The following POLD2 variants were observed in gnomAD, a reference collection of about 807,000 sequenced individuals.
The protein encoded by POLD2 is DNA polymerase delta 2, accessory subunit, also known as DNA polymerase delta subunit 2.
POLD2 carries 31 observed loss-of-function variants against 48.8 expected under a neutral mutation model. The ratio of observed to expected loss-of-function variants is 0.64; its 90% CI spans 0.48 to 0.86. The LOEUF is 0.86. POLD2 is among the 40% of genes least tolerant of loss of function. The pLI is 0.00. For missense variants in POLD2, 455 were observed against 610.1 expected, an observed-to-expected ratio of 0.75 and a Z score of 2.68; for synonymous variants, 233 against 256.3, an observed-to-expected ratio of 0.91 and a Z score of 0.87.
chr7:44,115,426 G>T, intron 9 of POLD2, 30 bp from the exon 10 acceptor site: 2 of 1,372,446 alleles, frequency 1.5e-6, no homozygotes, highest in Non-Finnish European at 2.1e-6. Flanking sequence ...TCTGAGGAGG[G>T]TTCCGCCTCA....
intron 2 of POLD2, among the ~76,000 whole-genome samples, chr7:44,119,060 A>T (rs549213039): frequency 7.0e-6 from 1 of 142,546 alleles, no homozygotes; most frequent in Admixed American, 7.2e-5. Flanking sequence ...GAGACCAGAG[A>T]TACTCAAAAT....
intron 2 of POLD2, 162 bp from the exon 3 acceptor site, chr7:44,118,226 T>C (rs3217964): frequency 0.23 from 176,688 of 761,046 alleles, 23,001 homozygotes; most frequent in Admixed American, 0.29. Flanking sequence ...ACGGTGACAG[T>C]AAAAAGTGAG....
In POLD2 at chr7:44,117,617, A is replaced by C; in HGVS notation, c.466+2T>G. 1 of 1,600,822 alleles carries C rather than the reference A, an allele frequency of 6.2e-7. No homozygotes were observed. The highest frequency in any genetic ancestry group is 8.5e-7 in the Non-Finnish European group (1 of 1,173,430). ...CCCACATCCTCTCATTGGGCTCCCT[A>C]CCCGTAACCAGCTTTGACACGTCAA... On this transcript the variant is annotated splice_donor_variant, in intron 4 of 10. Transcript: ENST00000610533. LOFTEE classifies it high-confidence loss of function.
Position 44,116,405 on chromosome 7 carries a change from C to T in POLD2, c.861+25G>A, listed in dbSNP as rs763139217. 23 of 1,572,254 alleles carry T rather than the reference C, an allele frequency of 1.5e-5. No homozygotes were observed. The South Asian group carries it at 2.7e-4, about 18-fold the overall frequency. On this transcript the variant is annotated intron_variant, in intron 7 of 10. Transcript: ENST00000610533. The surrounding 1 kb of genome is among the most constrained non-coding windows in gnomAD (Gnocchi z 6.1). ...GCTTTGAAGACTGCAATCCCCATCA[C>T]CCCTCCAGCCCCCAGCTCGCTCACG...
chr7:44,121,727 G>T lies in POLD2; in HGVS notation c.220+107C>A. 9.1e-7 allele frequency: 1 copy of T among 1,097,882 alleles called. No individual in the cohort carries two copies. Among genetic ancestry groups the T allele is most frequent in the South Asian group, 1.6e-5 (1 of 60,844 alleles). The allele number at this position is 1,097,882 out of a possible 1,614,324, so 68.0% of individuals were successfully genotyped here. On this transcript the variant is annotated intron_variant, in intron 2 of 10. Coordinates refer to ENST00000610533, the MANE Select transcript of POLD2 (RefSeq NM_006230.4). The surrounding 1 kb of genome is among the most constrained non-coding windows in gnomAD (Gnocchi z 4.5). The stretch of plus-strand genomic sequence containing the variant: ...GGGAAAAAGAGGTTAATTTTCCCAA[G>T]GTAACAGGAAGTGGGATCAATTAGA...
At chr7:44,119,853 G>T (rs1293915173) in intron 2 of POLD2, among the ~76,000 whole-genome samples, 1 of 152,258 alleles carries the variant, frequency 6.6e-6, no homozygotes, top group African/African-American at 2.4e-5. Flanking sequence ...CAAGTGCTGT[G>T]AACAAATGGT....
At chr7:44,115,068 G>C in intron 10 of POLD2, 123 bp from the exon 11 acceptor site, 1 of 940,086 alleles carries the variant, frequency 1.1e-6, no homozygotes, top group Non-Finnish European at 1.6e-6. Context: ...TAGGAGACCA[G>C]AGATTAGCCT....
chr7:44,123,443 C>CA, intron 1 of POLD2, 68 bp downstream of exon 1: 3 of 1,492,342 alleles, frequency 2.0e-6, no homozygotes, highest in Non-Finnish European at 2.7e-6. Context: ...CCCACCGACC[C>CA]AGGAGCCCGG....
In POLD2 at chr7:44,122,010, G is replaced by A. The variant is rs771472212; in HGVS notation, c.44C>T (p.Ser15Phe). The A allele has an allele frequency of 1.2e-6, 2 of 1,613,700 alleles. No homozygotes were observed. Among genetic ancestry groups the A allele is most frequent in the Admixed American group, 1.7e-5 (1 of 60,030 alleles). Residue 15 changes from serine to phenylalanine, a missense_variant, in exon 2 of 11, where the codon TCC (serine) becomes TTC (phenylalanine). Physicochemically the swap from Ser to Phe is radical, Grantham distance 155 (BLOSUM62 -2). Around this residue, in one of 3 missense-constraint regions of POLD2, gnomAD observed 349 missense variants for 437.4 expected, o/e 0.80. Transcript: ENST00000610533. The part of the protein sequence containing the change: ...QAAQRAHTLL[S>F]PPSANNATFA... ...GGTGGCATTGTTGGCTGATGGTGGG[G>A]ACAGTAGAGTGTGGGCCCTCTGGGC...
At chr7:44,119,696 C>A (rs1314500603) in intron 2 of POLD2, among the ~76,000 whole-genome samples, 2 of 152,212 alleles carry the variant, frequency 1.3e-5, no homozygotes, top group African/African-American at 4.8e-5. Flanking sequence ...ATCCCTGTAA[C>A]CGATAGTAGG....
intron 2 of POLD2, chr7:44,118,379 A>G (rs3217962): frequency 0.44 from 98,264 of 225,868 alleles, 21,934 homozygotes; most frequent in Non-Finnish European, 0.47. Context: ...GCCCAGGAAC[A>G]CCAGGGAGGA....
chr7:44,115,483 T>C (rs1353306103), intron 9 of POLD2, 87 bp from the exon 10 acceptor site: 6 of 918,574 alleles, frequency 6.5e-6, no homozygotes, highest in Non-Finnish European at 9.1e-6. Context: ...CCTCCTCCCA[T>C]TGCAGGCCAG....
upstream of POLD2, among the ~76,000 whole-genome samples, chr7:44,124,124 G>T (rs1460340503): frequency 6.6e-6 from 1 of 152,152 alleles, no homozygotes; most frequent in Admixed American, 6.5e-5. Context: ...CGGTTTCGGG[G>T]TCCTCCCTAG....
chr7:44,114,892 G>A lies in POLD2; in HGVS notation c.1303C>T (p.Gln435Ter), dbSNP rs1242748093. 6.2e-7 allele frequency: 1 copy of A among 1,613,794 alleles called. No individual in the cohort carries two copies. The highest frequency in any genetic ancestry group is 8.5e-7 in the Non-Finnish European group (1 of 1,179,824). Residue 435 changes from glutamine to a stop codon, truncating the protein, a stop_gained, in exon 11 of 11, where the codon CAG becomes TAG. Coordinates refer to ENST00000610533, the MANE Select transcript of POLD2 (RefSeq NM_006230.4). LOFTEE classifies it high-confidence loss of function. ...LVTVPDFSAT[Q>*]TACLVNLRSL... is the part of the protein sequence containing the mutation. ...CGCAGGTTCACAAGGCAGGCGGTCT[G>A]CGTGGCACTGAAGTCAGGGACAGTC...
In POLD2 at chr7:44,116,732, T is replaced by C. The variant is rs2128810770; in HGVS notation, c.780+85A>G. The C allele has an allele frequency of 6.9e-7, 1 of 1,450,396 alleles. No individual in the cohort carries two copies. The allele number at this position is 1,450,396 out of a possible 1,614,324, so 89.8% of individuals were successfully genotyped here. On this transcript the variant is annotated intron_variant, in intron 6 of 10. Coordinates refer to ENST00000610533, the MANE Select transcript of POLD2 (RefSeq NM_006230.4). The surrounding 1 kb of genome is among the most constrained non-coding windows in gnomAD (Gnocchi z 6.1). ...CACCGACCTGCGAGACCTCACAGGGTACCCTACTCGCCCTGGGGAAGGAGG... is the reference window on the plus strand; with the variant it reads ...CACCGACCTGCGAGACCTCACAGGGCACCCTACTCGCCCTGGGGAAGGAGG...
chr7:44,117,470 C>T, intron 4 of POLD2, 149 bp downstream of exon 4: 1 of 1,025,228 alleles, frequency 9.8e-7, no homozygotes, highest in Non-Finnish European at 1.4e-6. Context: ...CCTCCGACCG[C>T]CTGGAGCCTC....
chr7:44,119,860 T>C (rs1301413331), intron 2 of POLD2, among the ~76,000 whole-genome samples: 6 of 152,070 alleles, frequency 3.9e-5, no homozygotes, highest in African/African-American at 1.4e-4. Context: ...TGTGAACAAA[T>C]GGTGAGCTGA....
intron 2 of POLD2, among the ~76,000 whole-genome samples, chr7:44,119,962 C>T (rs1011820378): frequency 1.3e-5 from 2 of 152,112 alleles, no homozygotes; most frequent in Non-Finnish European, 2.9e-5. Flanking sequence ...TAGATGGGGC[C>T]ATGGGAAGAC....
Position 44,116,746 on chromosome 7 carries a change from T to C in POLD2, c.780+71A>G, listed in dbSNP as rs2096240415. On this transcript the variant is annotated intron_variant, in intron 6 of 10. Transcript: ENST00000610533. This position sits in a 1 kb window ranked among gnomAD's most constrained non-coding sequence, Gnocchi z 6.1. ...ACCTCACAGGGTACCCTACTCGCCC[T>C]GGGGAAGGAGGGTCTTACAGGCTTG... 3 of 1,533,562 alleles carry C rather than the reference T, an allele frequency of 2.0e-6. No homozygotes were observed. 95.0% of individuals were successfully genotyped at this position (1,533,562 alleles called of 1,614,324 possible).
Sources: allele counts gnomAD v4.1 joint callset (sites outside exome capture counted in the v4.1 genomes callset), GRCh38; gene constraint gnomAD v4.1.1; regional missense constraint gnomAD v4.1.1; non-coding constraint Gnocchi (gnomAD v3.1); transcripts MANE v1.5; gene names NCBI Gene and HGNC (gene_info 2026-07-23, HGNC 2026-07-21).